Variants in GCN1 observed in about 807,000 individuals in gnomAD.
GCN1 encodes stalled ribosome sensor GCN1.
A neutral mutation model predicts 288.4 loss-of-function variants in GCN1; 90 were observed. The ratio of observed to expected loss-of-function variants is 0.31; its 90% CI spans 0.26 to 0.37. GCN1 has a LOEUF of 0.37. Ranked by LOEUF, GCN1 falls within the 10% of genes least tolerant of loss-of-function variation. The pLI is 1.00. For synonymous variants in GCN1, 1,386 were observed against 1,420.2 expected, an observed-to-expected ratio of 0.98 and a Z score of 0.54; for missense variants, 2,586 against 3,419.9, an observed-to-expected ratio of 0.76 and a Z score of 6.08.
intron 16 of GCN1, among the ~76,000 whole-genome samples, chr12:120,167,447 A>T (rs1007897325): frequency 6.6e-6 from 1 of 152,078 alleles, no homozygotes; most frequent in African/African-American, 2.4e-5. Context: ...CGGCAGGCAC[A>T]CTACCATTTG....
Position 120,136,808 on chromosome 12 carries a change from T to G in GCN1, c.6778-76A>C. 7 of 1,029,142 alleles carry G rather than the reference T, an allele frequency of 6.8e-6. No homozygotes were observed. In the South Asian group the frequency reaches 9.7e-5, roughly 14 times the overall value. 63.8% of individuals were successfully genotyped at this position (1,029,142 alleles called of 1,614,324 possible). A position where few individuals can be genotyped will look rare whatever the true frequency, so the allele number is the denominator to read the frequency against. On this transcript the variant is annotated intron_variant, in intron 50 of 57. Coordinates refer to ENST00000300648, the MANE Select transcript of GCN1 (RefSeq NM_006836.2). ...GGTGTCTCCCATGCAAGCAAAGTGG[T>G]CCTGACAGCTGTCCTCCCCTCAACT...
Position 120,177,525 on chromosome 12 carries a change from A to G in GCN1, c.760T>C (p.Ser254Pro), listed in dbSNP as rs1280501430. ...DSCAPLLRYL[S>P]HSEFKDLILP... Reference sequence around the variant, plus strand: ...ATCAGATCCTTAAATTCTGAGTGGGACAGGTATCGGAGCAGAGGGGCACAG... The same window carrying G: ...ATCAGATCCTTAAATTCTGAGTGGGGCAGGTATCGGAGCAGAGGGGCACAG... The change falls in exon 9 of 58, where the codon TCC becomes CCC. Residue 254 changes from serine to proline, a missense_variant. Around this residue, in one of 8 missense-constraint regions of GCN1, gnomAD observed 913 missense variants for 1,107.0 expected, o/e 0.82. Transcript: ENST00000300648. The G allele has an allele frequency of 1.2e-6, 2 of 1,611,414 alleles. No individual in the cohort carries two copies. The highest frequency in any genetic ancestry group is 1.7e-6 in the Non-Finnish European group (2 of 1,177,680).
intron 24 of GCN1, among the ~76,000 whole-genome samples, chr12:120,159,454 A>G (rs1008989054): frequency 1.3e-5 from 2 of 152,214 alleles, no homozygotes; most frequent in Non-Finnish European, 2.9e-5. Flanking sequence ...AAAGGTCTCA[A>G]GGGCCTCTGC....
At chr12:120,143,906 G>A (rs1033598398) in intron 42 of GCN1, among the ~76,000 whole-genome samples, 15 of 152,362 alleles carry the variant, frequency 9.8e-5, no homozygotes, top group East Asian at 7.7e-4. Flanking sequence ...AAAAAGTTGA[G>A]AGAGTTCTTG....
At chr12:120,173,323 C>G (rs1594283109) in intron 14 of GCN1, among the ~76,000 whole-genome samples, 1 of 152,156 alleles carries the variant, frequency 6.6e-6, no homozygotes, top group African/African-American at 2.4e-5. Context: ...GCTGGGATTA[C>G]AGGTGTGAGC....
intron 51 of GCN1, 65 bp downstream of exon 51, chr12:120,136,437 C>T: frequency 8.0e-7 from 1 of 1,249,096 alleles, no homozygotes; most frequent in Non-Finnish European, 1.2e-6. Context: ...TACATGACAC[C>T]TTGTATCAGG....
rs774870399 is a variant in GCN1, at chr12:120,155,227, C to G, written c.3630+14G>C. 2 of 1,613,190 alleles carry G rather than the reference C, an allele frequency of 1.2e-6. No individual in the cohort carries two copies. The highest frequency in any genetic ancestry group is 2.2e-5 in the South Asian group (2 of 91,050). ...ACACACCCAGACTGCATCAGGGCTGCACAGGTCACTCACGTAGAGCTTTTC... is the reference window on the plus strand; with the variant it reads ...ACACACCCAGACTGCATCAGGGCTGGACAGGTCACTCACGTAGAGCTTTTC... On this transcript the variant is annotated intron_variant, in intron 30 of 57. Transcript: ENST00000300648. This position sits in a 1 kb window ranked among gnomAD's most constrained non-coding sequence, Gnocchi z 4.9.
rs150419084 is a variant in GCN1 at position 120,166,231 on chromosome 12, C to T, written c.1613-1510G>A. On this transcript the variant is annotated intron_variant, in intron 16 of 57. Coordinates refer to ENST00000300648, the MANE Select transcript of GCN1 (RefSeq NM_006836.2). ...CAGCCTGGCCAACATAGTAAAACCC[C>T]GTCTGTACTAAAAATACAAAAATTA... Among the ~76,000 whole-genome samples the T allele has an allele frequency of 8.3e-3, 1,261 of 151,498 alleles. 8 individuals are homozygous for T. Among genetic ancestry groups the T allele is most frequent in the Non-Finnish European group, 0.013 (880 of 67,842 alleles).
At position 120,174,152 on chromosome 12, in the gene GCN1, G is replaced by C. The variant is rs1878397890; in HGVS notation, c.1111C>G (p.His371Asp). 4 of 1,596,010 alleles carry C rather than the reference G, an allele frequency of 2.5e-6. No individual in the cohort carries two copies. Among genetic ancestry groups the C allele is most frequent in the Non-Finnish European group, 3.4e-6 (4 of 1,163,538 alleles). ...CTGGAAGGTCCAGACACCACGTGATGACTGACGCTCCCAATCCCTAAAAGG... is the reference window on the plus strand; with the variant it reads ...CTGGAAGGTCCAGACACCACGTGATCACTGACGCTCCCAATCCCTAAAAGG... ...SVLSGIGSVS[H>D]HVVSGPSSQV... Residue 371 changes from histidine to aspartate, a missense_variant, in exon 13 of 58, where the codon CAT becomes GAT. His to Asp is a moderately conservative substitution (Grantham distance 81). This residue lies in a region of GCN1 where 913 missense variants were observed against 1,107.0 expected (regional missense o/e 0.82). Coordinates refer to ENST00000300648, the MANE Select transcript of GCN1 (RefSeq NM_006836.2).
In GCN1 at chr12:120,137,197, C is replaced by G. The variant is rs1307771577; in HGVS notation, c.6777+9G>C. The G allele has an allele frequency of 6.2e-7, 1 of 1,606,022 alleles. No homozygotes were observed. The highest frequency in any genetic ancestry group is 1.3e-5 in the African/African-American group (1 of 74,748). On this transcript the variant is annotated intron_variant, in intron 50 of 57. Transcript: ENST00000300648. This position sits in a 1 kb window ranked among gnomAD's most constrained non-coding sequence, Gnocchi z 5.2. ...CGCCCACAGCCCCCTGCACGAGGCCCTGGCTTACCTTCTTCGGGAGGCAGA... is the reference window on the plus strand; with the variant it reads ...CGCCCACAGCCCCCTGCACGAGGCCGTGGCTTACCTTCTTCGGGAGGCAGA...
At chr12:120,167,070 T>C (rs897688978) in intron 16 of GCN1, among the ~76,000 whole-genome samples, 21 of 151,962 alleles carry the variant, frequency 1.4e-4, no homozygotes, top group African/African-American at 4.8e-4. Context: ...CCGGGCATGG[T>C]GGCTCATGCC....
intron 15 of GCN1, among the ~76,000 whole-genome samples, chr12:120,169,741 A>G (rs1878258425): frequency 6.6e-6 from 1 of 152,184 alleles, no homozygotes; most frequent in African/African-American, 2.4e-5. Context: ...TGACTTCGTG[A>G]TCCGCCTGCC....
At position 120,159,875 on chromosome 12, in the gene GCN1, G is replaced by A; in HGVS notation, c.2699C>T (p.Pro900Leu). 1 of 1,614,166 alleles carries A rather than the reference G, an allele frequency of 6.2e-7. No homozygotes were observed. Residue 900 changes from proline to leucine, a missense_variant, in exon 24 of 58, where the codon CCC becomes CTC. Around this residue, in one of 8 missense-constraint regions of GCN1, gnomAD observed 153 missense variants for 252.0 expected, o/e 0.61. Coordinates refer to ENST00000300648, the MANE Select transcript of GCN1 (RefSeq NM_006836.2). ...SPLAAPRIKN[P>L]FLSLAACVMP... ...GACACAGGCAGCCAAGGACAAGAAG[G>A]GGTTCTTGATCCTGGGAGCAGCCAG...
intron 14 of GCN1, among the ~76,000 whole-genome samples, chr12:120,171,313 A>T (rs1262802715): frequency 1.3e-5 from 2 of 150,620 alleles, no homozygotes; most frequent in East Asian, 3.9e-4. Context: ...TAAAAAATAC[A>T]AAAATTAGCC....
intron 51 of GCN1, among the ~76,000 whole-genome samples, chr12:120,136,037 C>CA (rs1016782102): frequency 2.0e-5 from 3 of 151,376 alleles, no homozygotes; most frequent in Non-Finnish European, 2.9e-5. Flanking sequence ...CAAAACAAAA[C>CA]AAAAAACAAA....
intron 2 of GCN1, 123 bp from the exon 3 acceptor site, chr12:120,185,010 C>T: frequency 1.5e-6 from 1 of 682,968 alleles, no homozygotes; most frequent in Non-Finnish European, 2.6e-6. Context: ...TAAGACCTTC[C>T]TCCCCAAGAG....
rs181359218 is a variant in GCN1, at chr12:120,167,691, A to T, written c.1612+517T>A. 9.6e-4 allele frequency among the ~76,000 whole-genome samples: 146 copies of T among 152,342 alleles called. 1 individual carries two copies. Among genetic ancestry groups the T allele is most frequent in the African/African-American group, 3.4e-3 (141 of 41,582 alleles). On this transcript the variant is annotated intron_variant, in intron 16 of 57. Coordinates refer to ENST00000300648, the MANE Select transcript of GCN1 (RefSeq NM_006836.2). ...AAAATTTTTCTAAAACCAGGAAATG[A>T]CTAACAGTTGTAGCTCATTAATGGG... is the stretch of plus-strand genomic sequence containing the variant.
chr12:120,189,055 G>A (rs574019772), intron 2 of GCN1, among the ~76,000 whole-genome samples: 5 of 152,088 alleles, frequency 3.3e-5, no homozygotes, highest in Non-Finnish European at 7.4e-5. Context: ...TGTGCAGGGA[G>A]GGGGGAAGAA....
intron 51 of GCN1, among the ~76,000 whole-genome samples, chr12:120,135,964 C>T (rs1876989514): frequency 7.1e-6 from 1 of 141,548 alleles, no homozygotes; most frequent in Non-Finnish European, 1.5e-5. Flanking sequence ...TGCAGTGAGC[C>T]GAGATCGCGC....
Sources: gnomAD v4.1 joint callset for allele counts (sites outside exome capture counted in the v4.1 genomes callset) on GRCh38, gnomAD v4.1.1 for gene constraint, gnomAD v4.1.1 regional missense constraint, Gnocchi (gnomAD v3.1) non-coding constraint, MANE v1.5 for transcripts, NCBI Gene and HGNC (gene_info 2026-07-23, HGNC 2026-07-21) for gene names.